The following ADD3 variants were observed in gnomAD, a reference collection of about 807,000 sequenced individuals.
ADD3 encodes gamma-adducin.
A neutral mutation model predicts 80.2 loss-of-function variants in ADD3; 25 were observed. That is an observed-to-expected ratio of 0.31 (90% confidence interval 0.23 to 0.44). The LOEUF (loss-of-function observed/expected upper bound fraction) is 0.44. ADD3 is among the 20% of genes least tolerant of loss of function. ADD3 has a pLI of 1.00. For synonymous variants in ADD3, 284 were observed against 289.6 expected (o/e 0.98, Z 0.20); for missense variants, 829 against 847.5 (o/e 0.98, Z 0.27).
At chr10:110,082,630 G>A (rs1232237507) in intron 1 of ADD3, among the ~76,000 whole-genome samples, 7 of 152,166 alleles carry the variant, frequency 4.6e-5, no homozygotes, top group Admixed American at 4.6e-4. Context: ...ACCTGAATTA[G>A]CATTTGCTGA....
At chr10:110,011,375 T>C (rs759688156) in intron 1 of ADD3, among the ~76,000 whole-genome samples, 3 of 152,260 alleles carry the variant, frequency 2.0e-5, no homozygotes, top group South Asian at 4.1e-4. Flanking sequence ...GTAGTTGATA[T>C]GTCAAACAAA....
chr10:110,006,012 C>T, upstream of ADD3: 1 of 244,782 alleles, frequency 4.1e-6, no homozygotes, highest in Non-Finnish European at 8.4e-6. Flanking sequence ...GCTGCCGCCG[C>T]CGCCGCTGCT....
At chr10:110,112,943 AT>A in intron 3 of ADD3, 28 bp downstream of exon 3, 1 of 1,603,368 alleles carries the variant, frequency 6.2e-7, no homozygotes, top group Middle Eastern at 1.7e-4. Context: ...AGTTTTAAAC[AT>A]TATAATTTTA....
chr10:110,124,203 A>G lies in ADD3; in HGVS notation c.1330A>G (p.Asn444Asp), dbSNP rs1400484139. ...AAAAACAAGATGGCTGAACTCACCAAATACTTACATGAAAGTGAATGTGCC... is the reference window on the plus strand; with the variant it reads ...AAAAACAAGATGGCTGAACTCACCAGATACTTACATGAAAGTGAATGTGCC... ...REKTRWLNSP[N>D]TYMKVNVPEE... Residue 444 changes from asparagine (N) to aspartate (D), a missense_variant, in exon 10 of 15, where the codon AAT (asparagine) becomes GAT (aspartate). By Grantham distance (23) the Asn-to-Asp change is conservative. Coordinates refer to ENST00000356080, the MANE Select transcript of ADD3 (RefSeq NM_016824.5). 1 of 1,614,204 alleles carries G rather than the reference A, an allele frequency of 6.2e-7. No individual in the cohort carries two copies. The highest frequency in any genetic ancestry group is 8.5e-7 in the Non-Finnish European group (1 of 1,180,028).
chr10:110,007,552 T>C (rs928319996), upstream of ADD3, among the ~76,000 whole-genome samples: 1 of 152,158 alleles, frequency 6.6e-6, no homozygotes, highest in Non-Finnish European at 1.5e-5. Flanking sequence ...GTCGGGTTTC[T>C]ATCGGGGTCG....
intron 1 of ADD3, among the ~76,000 whole-genome samples, chr10:110,055,531 T>G (rs59322356): frequency 0.12 from 18,885 of 152,126 alleles, 3,741 homozygotes; most frequent in African/African-American, 0.42. Context: ...AATATTAATA[T>G]CTTATTTTTC....
intron 1 of ADD3, among the ~76,000 whole-genome samples, chr10:110,085,889 T>C (rs1026770200): frequency 2.0e-5 from 3 of 151,514 alleles, no homozygotes; most frequent in African/African-American, 7.3e-5. Context: ...GCAGATCACC[T>C]GAGGTCGGGA....
intron 1 of ADD3, among the ~76,000 whole-genome samples, chr10:110,025,067 T>A (rs1019347146): frequency 2.0e-5 from 3 of 152,052 alleles, no homozygotes; most frequent in African/African-American, 7.2e-5. Context: ...CTAATTTTTT[T>A]GTATTTTTAA....
intron 2 of ADD3, chr10:110,112,029 C>T (rs1254893183): frequency 6.6e-6 from 1 of 152,054 alleles, no homozygotes; most frequent in Non-Finnish European, 1.5e-5. Context: ...CCATAGAAAT[C>T]ATAAAGTAGA....
At position 110,031,003 on chromosome 10, in the gene ADD3, C is replaced by T. The variant is rs1304688848; in HGVS notation, c.-30+22704C>T. ...AAAAATAAATTTGTAAGTCCAGGCA[C>T]GGTGGCTCACGCCTGTAATCCCAGC... On this transcript the variant is annotated intron_variant, in intron 1 of 14. Coordinates refer to ENST00000356080, the MANE Select transcript of ADD3 (RefSeq NM_016824.5). 5.3e-5 allele frequency among the ~76,000 whole-genome samples: 8 copies of T among 151,860 alleles called. No homozygotes were observed. The East Asian group carries it at 1.2e-3, about 22-fold the overall frequency.
At chr10:110,011,537 GAC>G (rs962799584) in intron 1 of ADD3, among the ~76,000 whole-genome samples, 6 of 152,184 alleles carry the variant, frequency 3.9e-5, no homozygotes, top group East Asian at 1.9e-4. Context: ...CTTTATTGAA[GAC>G]ACAGGTTACT....
At chr10:110,098,632 G>T (rs912313775) in intron 1 of ADD3, among the ~76,000 whole-genome samples, 2 of 151,720 alleles carry the variant, frequency 1.3e-5, no homozygotes, top group African/African-American at 4.8e-5. Context: ...CATGAATACA[G>T]AATTTTTTTT....
chr10:110,088,466 T>C (rs1407905627), intron 1 of ADD3, among the ~76,000 whole-genome samples: 1 of 152,246 alleles, frequency 6.6e-6, no homozygotes, highest in Non-Finnish European at 1.5e-5. Context: ...TATCTGTGCT[T>C]AATAAGATGC....
At chr10:110,092,534 CA>C (rs2133877903) in intron 1 of ADD3, among the ~76,000 whole-genome samples, 1 of 152,172 alleles carries the variant, frequency 6.6e-6, no homozygotes, top group Admixed American at 6.5e-5. Flanking sequence ...CACATGGACA[CA>C]AAGGTGGGAA....
intron 13 of ADD3, among the ~76,000 whole-genome samples, chr10:110,131,910 ATTG>A (rs1157346206): frequency 6.6e-6 from 1 of 152,214 alleles, no homozygotes; most frequent in African/African-American, 2.4e-5. Flanking sequence ...CTAATTAAAT[ATTG>A]TTCAAAAATT....
intron 1 of ADD3, among the ~76,000 whole-genome samples, chr10:110,040,214 C>A (rs1272470646): frequency 1.3e-5 from 2 of 151,904 alleles, no homozygotes; most frequent in East Asian, 3.9e-4. Context: ...GTCTTTACCT[C>A]ATAAAGATAT....
chr10:110,061,328 T>G (rs1858860009), intron 1 of ADD3, among the ~76,000 whole-genome samples: 1 of 152,180 alleles, frequency 6.6e-6, no homozygotes, highest in Non-Finnish European at 1.5e-5. Context: ...ATTGGTGTAG[T>G]GCAGCCTGGA....
intron 1 of ADD3, among the ~76,000 whole-genome samples, chr10:110,062,078 C>T (rs577930513): frequency 1.1e-4 from 17 of 151,338 alleles, no homozygotes; most frequent in East Asian, 7.8e-4. Context: ...AATAAAATAT[C>T]GAGGCCAGGT....
chr10:110,120,163 C>T (rs190206290), intron 8 of ADD3, among the ~76,000 whole-genome samples: 2 of 148,386 alleles, frequency 1.3e-5, no homozygotes, highest in Admixed American at 6.7e-5. Context: ...CATGCTGGTG[C>T]GCTGCACCCA....
Sources: gnomAD v4.1 joint callset for allele counts (sites outside exome capture counted in the v4.1 genomes callset) on GRCh38, gnomAD v4.1.1 for gene constraint, MANE v1.5 for transcripts, NCBI Gene and HGNC (gene_info 2026-07-23, HGNC 2026-07-21) for gene names.